XRN1: variants seen among roughly 807,000 people sequenced by gnomAD.
XRN1 encodes the protein 5'-3' exoribonuclease 1, also known as strand-exchange protein 1 homolog.
In XRN1, 67 loss-of-function variants were observed where a neutral mutation model predicts 222.3. The observed-to-expected ratio is 0.30, with a 90% CI of 0.25 to 0.37. The LOEUF is 0.37. XRN1 is among the 10% of genes least tolerant of loss of function. XRN1 has a pLI of 1.00. For synonymous variants in XRN1, 643 were observed against 652.4 expected (o/e 0.99, Z 0.22); for missense variants, 1,707 against 2,000.2 (o/e 0.85, Z 2.80).
chr3:142,432,610 A>G (rs1285241799), intron 2 of XRN1, 51 bp downstream of exon 2: 18 of 1,415,174 alleles, frequency 1.3e-5, no homozygotes, highest in Admixed American at 2.6e-5. Flanking sequence ...TTAAAATAAC[A>G]TATTTTTACT....
rs151269323 is a variant in XRN1, at chr3:142,371,186, T to C, written c.3068+53A>G. 1,398 of 1,434,046 alleles carry C rather than the reference T, an allele frequency of 9.7e-4. 1 individual carries two copies. Among genetic ancestry groups the C allele is most frequent in the Non-Finnish European group, 1.3e-3 (1,344 of 1,038,258 alleles). The allele number at this position is 1,434,046 out of a possible 1,614,324, so 88.8% of individuals were successfully genotyped here. A position where few individuals can be genotyped will look rare whatever the true frequency, so the allele number is the denominator to read the frequency against. On this transcript the variant is annotated intron_variant, in intron 26 of 40. Transcript: ENST00000392981. The stretch of plus-strand genomic sequence containing the variant: ...CTTGAGAAACCAGCTGCAGTTGTCA[T>C]TGAAAACACTGAATTGAACTATGAG...
chr3:142,437,421 A>G (rs1019406567), intron 1 of XRN1, among the ~76,000 whole-genome samples: 1 of 152,006 alleles, frequency 6.6e-6, no homozygotes, highest in South Asian at 2.1e-4. Flanking sequence ...TTTCTCTCTC[A>G]CCACAGTTTA....
intron 2 of XRN1, among the ~76,000 whole-genome samples, chr3:142,428,108 C>T (rs1028783706): frequency 5.3e-5 from 8 of 152,066 alleles, no homozygotes; most frequent in Admixed American, 5.2e-4. Flanking sequence ...AGAAATTATT[C>T]TTGGCCAGGT....
intron 28 of XRN1, 28 bp from the exon 29 acceptor site, chr3:142,365,207 A>G (rs1295459037): frequency 6.3e-7 from 1 of 1,585,240 alleles, no homozygotes; most frequent in Admixed American, 1.9e-5. Flanking sequence ...ATTAATTATA[A>G]TAAACAAAAA....
chr3:142,429,415 TG>T (rs1227709684), intron 2 of XRN1, among the ~76,000 whole-genome samples: 1 of 152,172 alleles, frequency 6.6e-6, no homozygotes, highest in African/African-American at 2.4e-5. Flanking sequence ...CCCAAAGTGC[TG>T]GGATTACAGG....
intron 30 of XRN1, among the ~76,000 whole-genome samples, chr3:142,357,753 G>A (rs1006343574): frequency 3.3e-5 from 5 of 151,958 alleles, no homozygotes; most frequent in African/African-American, 9.7e-5. Flanking sequence ...ACTGTGGAGC[G>A]GGCATGGTGG....
At chr3:142,415,237 C>T (rs2068737485) in intron 13 of XRN1, among the ~76,000 whole-genome samples, 1 of 152,094 alleles carries the variant, frequency 6.6e-6, no homozygotes, top group Non-Finnish European at 1.5e-5. Context: ...TTTGAACAAA[C>T]AATTTTTAAA....
At chr3:142,431,875 T>TTA (rs377215508) in intron 2 of XRN1, among the ~76,000 whole-genome samples, 9,349 of 31,874 alleles carry the variant, frequency 0.29, 858 homozygotes, top group African/African-American at 0.43. Flanking sequence ...ATATATTATA[T>TTA]TATATATATT....
chr3:142,389,180 T>A (rs578187385), intron 20 of XRN1, among the ~76,000 whole-genome samples: 22 of 152,308 alleles, frequency 1.4e-4, no homozygotes, highest in African/African-American at 4.8e-4. Context: ...ACCACTGCAC[T>A]CTGGCTTGGG....
Position 142,421,130 on chromosome 3 carries a change from T to C in XRN1, c.1059A>G (p.Glu353=). ...CAAACCATTTTAGGTCCACAAAAAC[T>C]TCACTGAAGTGCTCCCGATCAAACT... ...LSDFDREHFS[E]VFVDLKWFES... is the part of the protein sequence containing the mutation. The change falls in exon 10 of 41, where the codon GAA becomes GAG. Residue 353 remains glutamate (E), a synonymous_variant. Transcript: ENST00000392981. The C allele has an allele frequency of 1.2e-6, 2 of 1,613,548 alleles. No homozygotes were observed. Among genetic ancestry groups the C allele is most frequent in the Non-Finnish European group, 1.7e-6 (2 of 1,179,728 alleles).
chr3:142,399,242 A>C (rs1212741405), intron 19 of XRN1, among the ~76,000 whole-genome samples: 1 of 151,082 alleles, frequency 6.6e-6, no homozygotes, highest in Non-Finnish European at 1.5e-5. Flanking sequence ...AATTCTGAAA[A>C]AAAAAAAAAA....
At position 142,375,974 on chromosome 3, in the gene XRN1, GCACACACACA is replaced by G. The variant is rs66486380; in HGVS notation, c.2832-40_2832-31del. 8.3e-6 allele frequency: 12 copies of G among 1,448,082 alleles called. 1 individual carries two copies. Among genetic ancestry groups the G allele is most frequent in the South Asian group, 2.8e-5 (2 of 70,732 alleles). The allele number at this position is 1,448,082 out of a possible 1,614,324, so 89.7% of individuals were successfully genotyped here. On this transcript the variant is annotated intron_variant, in intron 24 of 40. Transcript: ENST00000392981. ...ATTTAAACCACACATGCGCACACGT[GCACACACACA>G]CACACACACACACACACGAGTTTTA...
intron 33 of XRN1, among the ~76,000 whole-genome samples, chr3:142,345,481 A>T (rs2066119395): frequency 1.3e-5 from 2 of 152,214 alleles, no homozygotes; most frequent in Non-Finnish European, 2.9e-5. Context: ...GTGACTTTGG[A>T]TTAGGGAATG....
chr3:142,412,214 A>G (rs2068612821), intron 15 of XRN1, among the ~76,000 whole-genome samples: 1 of 152,104 alleles, frequency 6.6e-6, no homozygotes, highest in African/African-American at 2.4e-5. Context: ...TTTTTGCTTC[A>G]TGTATTTTAG....
At chr3:142,381,031 T>C (rs147586077) in intron 22 of XRN1, among the ~76,000 whole-genome samples, 1 of 144,806 alleles carries the variant, frequency 6.9e-6, no homozygotes, top group African/African-American at 2.5e-5. Flanking sequence ...AAAAAAAAAG[T>C]GGAGGTTGCA....
intron 15 of XRN1, among the ~76,000 whole-genome samples, chr3:142,405,930 C>G (rs892437114): frequency 8.6e-5 from 13 of 151,676 alleles, no homozygotes; most frequent in African/African-American, 2.9e-4. Context: ...AAACGAACAG[C>G]CTTAAGGGGA....
At chr3:142,314,045 ACTCCGT>A (rs1482692286) in intron 39 of XRN1, among the ~76,000 whole-genome samples, 2 of 152,216 alleles carry the variant, frequency 1.3e-5, no homozygotes, top group East Asian at 3.8e-4. Context: ...ACAATGGTCA[ACTCCGT>A]AATTTCCCCA....
At chr3:142,325,381 C>T (rs959983681) in intron 37 of XRN1, among the ~76,000 whole-genome samples, 2 of 151,962 alleles carry the variant, frequency 1.3e-5, no homozygotes, top group Non-Finnish European at 2.9e-5. Flanking sequence ...GAAATGTTTG[C>T]TGAGATCATT....
chr3:142,318,059 A>G (rs772108737), intron 39 of XRN1, among the ~76,000 whole-genome samples: 14 of 152,186 alleles, frequency 9.2e-5, no homozygotes, highest in Non-Finnish European at 1.6e-4. Context: ...TAAGCATTAG[A>G]TATTTAGAAT....
Sources: allele counts gnomAD v4.1 joint callset (sites outside exome capture counted in the v4.1 genomes callset), GRCh38; gene constraint gnomAD v4.1.1; transcripts MANE v1.5; gene names NCBI Gene and HGNC (gene_info 2026-07-23, HGNC 2026-07-21).